ATXN2: variants seen among roughly 807,000 people sequenced by gnomAD.
The protein encoded by ATXN2 is ataxin 2, also known as ataxin-2.
ATXN2 carries 37 observed loss-of-function variants against 138.6 expected under a neutral mutation model. The observed-to-expected ratio is 0.27, with a 90% confidence interval of 0.21 to 0.35. ATXN2 has a LOEUF of 0.35. ATXN2 is among the 10% of genes least tolerant of loss of function. The pLI is 1.00. For synonymous variants in ATXN2, 549 were observed against 543.7 expected, an observed-to-expected ratio of 1.01 and a Z score of -0.13; for missense variants, 1,216 against 1,480.3, an observed-to-expected ratio of 0.82 and a Z score of 2.93.
At chr12:111,480,493 G>C (rs1257963720) in intron 18 of ATXN2, among the ~76,000 whole-genome samples, 1 of 152,072 alleles carries the variant, frequency 6.6e-6, no homozygotes, top group Non-Finnish European at 1.5e-5. Context: ...TGACCAACAC[G>C]GTAAAACCCC....
In ATXN2 at chr12:111,598,641, G is replaced by C; in HGVS notation, c.251+143C>G. On this transcript the variant is annotated intron_variant, in intron 1 of 24. Coordinates refer to ENST00000673436, the MANE Select transcript of ATXN2 (RefSeq NM_001372574.1). The surrounding 1 kb of genome is among the most constrained non-coding windows in gnomAD (Gnocchi z 4.5). ...CCCACCGGCCGAGCCTCGGGGCTCA[G>C]GCCCGAGCGAGTCTCCCCCGCGCTG... is the stretch of plus-strand genomic sequence containing the variant. 1.1e-6 allele frequency: 1 copy of C among 928,146 alleles called. No individual in the cohort carries two copies. Among genetic ancestry groups the C allele is most frequent in the Non-Finnish European group, 1.3e-6 (1 of 775,054 alleles). The allele number at this position is 928,146 out of a possible 1,614,324, so 57.5% of individuals were successfully genotyped here.
rs1196238730 is a variant in ATXN2, at chr12:111,510,506, T to G, written c.1635A>C (p.Pro545=). The G allele has an allele frequency of 6.2e-7, 1 of 1,614,132 alleles. No individual in the cohort carries two copies. Among genetic ancestry groups the G allele is most frequent in the East Asian group, 2.2e-5 (1 of 44,890 alleles). Residue 545 remains proline (P), a synonymous_variant, in exon 12 of 25, where the codon CCA becomes CCC. Transcript: ENST00000673436. ...TACCAGCTTGGGGAGAAGCAAGAAC[T>G]GGCCCACTGGGGGTATTTCCAATAC... The part of the protein sequence containing the change: ...QNSIGNTPSG[P]VLASPQAGII...
At chr12:111,493,619 T>G (rs1199059921) in intron 14 of ATXN2, among the ~76,000 whole-genome samples, 1 of 148,718 alleles carries the variant, frequency 6.7e-6, no homozygotes, top group East Asian at 1.9e-4. Flanking sequence ...CTTTCAAAAA[T>G]AAGAACTACA....
chr12:111,544,919 GGAGGCC>G (rs1881721314), intron 5 of ATXN2, among the ~76,000 whole-genome samples: 1 of 152,170 alleles, frequency 6.6e-6, no homozygotes, highest in African/African-American at 2.4e-5. Context: ...CAGCACTTTG[GGAGGCC>G]GAGGCAGATG....
At chr12:111,571,965 T>A (rs1027365024) in intron 1 of ATXN2, among the ~76,000 whole-genome samples, 3 of 147,918 alleles carry the variant, frequency 2.0e-5, no homozygotes, top group African/African-American at 5.0e-5. Context: ...TGAGCCAAGA[T>A]TGCACCACTG....
At chr12:111,599,586 G>A (rs1885167547), upstream of ATXN2, 1 of 1,109,334 alleles carries the variant, frequency 9.0e-7, no homozygotes, top group African/African-American at 1.7e-5. Context: ...GGAAGTCGGA[G>A]GGGTCAGACG....
In ATXN2 at chr12:111,510,458, G is replaced by A. The variant is rs1173279607; in HGVS notation, c.1683C>T (p.Ala561=). The A allele has an allele frequency of 2.5e-6, 4 of 1,614,164 alleles. No homozygotes were observed. The highest frequency in any genetic ancestry group is 3.3e-4 in the Middle Eastern group (2 of 6,062). The change falls in exon 12 of 25, where the codon GCC becomes GCT. Residue 561 remains alanine (A), a synonymous_variant. Transcript: ENST00000673436. ...TAGGAGATGCAGCTGGAATAGGCATGGCAACAGCTTCAGTTGGAATAATAC... is the reference window on the plus strand; with the variant it reads ...TAGGAGATGCAGCTGGAATAGGCATAGCAACAGCTTCAGTTGGAATAATAC... The part of the protein sequence containing the change: ...QAGIIPTEAV[A]MPIPAASPTP...
chr12:111,599,536 C>G, upstream of ATXN2: 1 of 1,203,152 alleles, frequency 8.3e-7, no homozygotes, highest in Non-Finnish European at 1.0e-6. Context: ...CGCGCCGAGG[C>G]GCCGGGTGGG....
intron 5 of ATXN2, among the ~76,000 whole-genome samples, chr12:111,543,291 T>C (rs1485601580): frequency 6.6e-6 from 1 of 152,174 alleles, no homozygotes; most frequent in Non-Finnish European, 1.5e-5. Flanking sequence ...CTGTTACTGA[T>C]ACACTATCAA....
Position 111,598,953 on chromosome 12 carries a change from GCTGCT to G in ATXN2, c.77_81del (p.Gln26ProfsTer62). The G allele has an allele frequency of 1.8e-6, 1 of 552,692 alleles. No homozygotes were observed. Among genetic ancestry groups the G allele is most frequent in the Non-Finnish European group, 2.4e-6 (1 of 409,242 alleles). 34.2% of individuals were successfully genotyped at this position (552,692 alleles called of 1,614,324 possible). On this transcript the variant is annotated frameshift_variant, in exon 1 of 25. Coordinates refer to ENST00000673436, the MANE Select transcript of ATXN2 (RefSeq NM_001372574.1). LOFTEE classifies it high-confidence loss of function. This position sits in a 1 kb window ranked among gnomAD's most constrained non-coding sequence, Gnocchi z 4.5. Reference sequence around the variant, plus strand: ...ACATTGGCAGCCGCGGGCGGCGGCTGCTGCTGCTGCTGCTGCTGCTGCTGTTGCTG... The same window carrying G: ...ACATTGGCAGCCGCGGGCGGCGGCTGGCTGCTGCTGCTGCTGCTGTTGCTG...
chr12:111,543,506 T>A (rs1881644385), intron 5 of ATXN2, among the ~76,000 whole-genome samples: 1 of 152,170 alleles, frequency 6.6e-6, no homozygotes, highest in Admixed American at 6.6e-5. Context: ...CGATCTCAGC[T>A]CATTGCAACC....
chr12:111,498,692 C>T (rs549924919), intron 14 of ATXN2, among the ~76,000 whole-genome samples: 1 of 152,096 alleles, frequency 6.6e-6, no homozygotes, highest in Non-Finnish European at 1.5e-5. Flanking sequence ...AATGACATTC[C>T]TCACAGAAGT....
chr12:111,456,483 G>A (rs4766577), intron 22 of ATXN2, among the ~76,000 whole-genome samples: 10,757 of 152,138 alleles, frequency 0.071, 1,334 homozygotes, highest in East Asian at 0.57. Context: ...AGAAACTTCT[G>A]AGCATACATA....
At chr12:111,534,591 C>T (rs1008274371) in intron 5 of ATXN2, among the ~76,000 whole-genome samples, 3 of 150,498 alleles carry the variant, frequency 2.0e-5, no homozygotes, top group Non-Finnish European at 3.0e-5. Context: ...GAAAATATAC[C>T]GGTAAAAAAG....
chr12:111,599,211 G>C lies in ATXN2; in HGVS notation c.-177C>G. The stretch of plus-strand genomic sequence containing the variant: ...GGGAGAAGGAGGACGACGAAGGGGC[G>C]GGGAGGCCCGCCGAGACCAAGGAGC... On this transcript the variant is annotated 5_prime_UTR_variant, in exon 1 of 25. Coordinates refer to ENST00000673436, the MANE Select transcript of ATXN2 (RefSeq NM_001372574.1). 2 of 1,202,782 alleles carry C rather than the reference G, an allele frequency of 1.7e-6. No individual in the cohort carries two copies. The highest frequency in any genetic ancestry group is 2.1e-6 in the Non-Finnish European group (2 of 970,104). 74.5% of individuals were successfully genotyped at this position (1,202,782 alleles called of 1,614,324 possible).
intron 5 of ATXN2, among the ~76,000 whole-genome samples, chr12:111,528,747 G>C (rs1294141630): frequency 6.6e-6 from 1 of 152,136 alleles, no homozygotes; most frequent in African/African-American, 2.4e-5. Flanking sequence ...AAGATGTGCA[G>C]AAGTGGAGAG....
intron 1 of ATXN2, among the ~76,000 whole-genome samples, chr12:111,556,712 A>C (rs988265298): frequency 2.0e-5 from 3 of 151,946 alleles, no homozygotes; most frequent in African/African-American, 4.8e-5. Context: ...GCTACTAGGG[A>C]GGCTGAGGCA....
At position 111,490,776 on chromosome 12, in the gene ATXN2, T is replaced by C. The variant is rs914736062; in HGVS notation, c.1936-1996A>G. Among the ~76,000 whole-genome samples the C allele has an allele frequency of 3.3e-5, 5 of 152,058 alleles. No homozygotes were observed. The South Asian group carries it at 1.0e-3, about 32-fold the overall frequency. On this transcript the variant is annotated intron_variant, in intron 14 of 24. Coordinates refer to ENST00000673436, the MANE Select transcript of ATXN2 (RefSeq NM_001372574.1). Reference sequence around the variant, plus strand: ...CCCCTGACATTCCCCCACAATGCAGTGTGGGGTGGAGAAAGAATCTGTGTG... The same window carrying C: ...CCCCTGACATTCCCCCACAATGCAGCGTGGGGTGGAGAAAGAATCTGTGTG...
At chr12:111,481,017 G>C (rs1306845301) in intron 18 of ATXN2, among the ~76,000 whole-genome samples, 5 of 152,116 alleles carry the variant, frequency 3.3e-5, no homozygotes, top group African/African-American at 9.7e-5. Context: ...CAAGTAAAAA[G>C]ATAACCTATA....
Sources: allele counts gnomAD v4.1 joint callset (sites outside exome capture counted in the v4.1 genomes callset), GRCh38; gene constraint gnomAD v4.1.1; non-coding constraint Gnocchi (gnomAD v3.1); transcripts MANE v1.5; gene names NCBI Gene and HGNC (gene_info 2026-07-23, HGNC 2026-07-21).